Variants in MYO16 observed in about 807,000 individuals in gnomAD.
MYO16 encodes myosin XVI.
In MYO16, 94 loss-of-function variants were observed where a neutral mutation model predicts 205.3. The ratio of observed to expected loss-of-function variants is 0.46; its 90% CI spans 0.39 to 0.54. The LOEUF (loss-of-function observed/expected upper bound fraction) is 0.54. Among genes scored for constraint, MYO16 ranks in the 20% least tolerant of loss-of-function variants. The pLI is 0.00. For missense variants in MYO16, 2,315 were observed against 2,387.5 expected, an observed-to-expected ratio of 0.97 and a Z score of 0.63; for synonymous variants, 988 against 954.0, an observed-to-expected ratio of 1.04 and a Z score of -0.66.
At chr13:108,566,795 A>G in the MYO16 span, among the ~76,000 whole-genome samples, 19 of 151,354 alleles carry the variant, frequency 1.3e-4, no homozygotes, top group African/African-American at 4.4e-4. Flanking sequence ...GGAAAGAGGT[A>G]CTTAATTGAG....
chr13:109,140,364 C>G lies in MYO16; in HGVS notation c.4152C>G (p.Ser1384=). The G allele has an allele frequency of 6.2e-7, 1 of 1,602,382 alleles. No homozygotes were observed. The highest frequency in any genetic ancestry group is 8.5e-7 in the Non-Finnish European group (1 of 1,178,700). The change falls in exon 32 of 35, where the codon TCC becomes TCG. Residue 1384 remains serine, a synonymous_variant. Coordinates refer to ENST00000457511, the MANE Select transcript of MYO16 (RefSeq NM_001198950.3). The surrounding 1 kb of genome is among the most constrained non-coding windows in gnomAD (Gnocchi z 8.0). ...GCCCCAACACCAAGCTCAGCGGCTC[C>G]TACGAGGAGATATCGGGGTCCCGGC... ...KRSPNTKLSG[S]YEEISGSRPG...
chr13:108,954,560 G>T (rs1594422683), intron 16 of MYO16, among the ~76,000 whole-genome samples: 1 of 152,132 alleles, frequency 6.6e-6, no homozygotes, highest in East Asian at 1.9e-4. Context: ...GGGCAACATG[G>T]CAAGACCCTG....
intron 16 of MYO16, among the ~76,000 whole-genome samples, chr13:108,952,787 C>T (rs1883205858): frequency 6.6e-6 from 1 of 152,012 alleles, no homozygotes; most frequent in African/African-American, 2.4e-5. Context: ...GTTCCAAGTT[C>T]CAAAGAGGAT....
chr13:108,983,608 C>T (rs554497818), intron 20 of MYO16, among the ~76,000 whole-genome samples: 1 of 152,236 alleles, frequency 6.6e-6, no homozygotes, highest in Admixed American at 6.5e-5. Context: ...TGCTATGTGC[C>T]TTCGGAGACT....
At chr13:108,613,919 A>C (rs960424556) in intron 1 of MYO16, among the ~76,000 whole-genome samples, 6 of 152,116 alleles carry the variant, frequency 3.9e-5, no homozygotes, top group African/African-American at 1.4e-4. Context: ...AAGATGAGGA[A>C]CAAGACAATA....
chr13:108,845,675 A>G (rs1011951615), intron 10 of MYO16, among the ~76,000 whole-genome samples: 1 of 152,178 alleles, frequency 6.6e-6, no homozygotes, highest in African/African-American at 2.4e-5. Context: ...CAATTAGTCC[A>G]CAGTTCTAGA....
intron 16 of MYO16, among the ~76,000 whole-genome samples, chr13:108,944,764 G>T (rs1882869654): frequency 6.6e-6 from 1 of 152,154 alleles, no homozygotes; most frequent in Non-Finnish European, 1.5e-5. Flanking sequence ...ATATTTGTCA[G>T]AGATGAAGCA....
rs138615655 is a variant in MYO16 at position 108,727,132 on chromosome 13, G to GT, written c.364-300dup. Among the ~76,000 whole-genome samples, 815 of 151,672 alleles carry GT rather than the reference G, an allele frequency of 5.4e-3. 6 individuals carry two copies. The highest frequency in any genetic ancestry group is 0.018 in the African/African-American group (762 of 41,322). On this transcript the variant is annotated intron_variant, in intron 3 of 34. Transcript: ENST00000457511. ...AAGATAATTATTGTGAATGGTTCAA[G>GT]TTTTTTTTAAATAATCCTATCTACA...
At chr13:108,958,382 T>G (rs1253537330) in intron 17 of MYO16, among the ~76,000 whole-genome samples, 2 of 151,908 alleles carry the variant, frequency 1.3e-5, no homozygotes, top group Non-Finnish European at 2.9e-5. Flanking sequence ...CATAATCACC[T>G]TGTTAAAACA....
At position 108,823,167 on chromosome 13, in the gene MYO16, C is replaced by A. The variant is rs1410450200; in HGVS notation, c.986C>A (p.Ala329Asp). 3.1e-6 allele frequency: 5 copies of A among 1,612,336 alleles called. No homozygotes were observed. The highest frequency in any genetic ancestry group is 4.2e-6 in the Non-Finnish European group (5 of 1,179,418). The part of the protein sequence containing the change: ...SEFIEEMLLK[A>D]EIAWEEKMKE... ...TTTATTGAGGAAATGCTGCTGAAAG[C>A]CGAAATTGCCTGGGAAGAAAAAATG... is the stretch of plus-strand genomic sequence containing the variant. Residue 329 changes from alanine to aspartate, a missense_variant, in exon 9 of 35, where the codon GCC (alanine) becomes GAC (aspartate). Ala to Asp is a moderately radical substitution (Grantham distance 126). Coordinates refer to ENST00000457511, the MANE Select transcript of MYO16 (RefSeq NM_001198950.3).
chr13:108,737,062 A>C (rs1000017759), intron 4 of MYO16, among the ~76,000 whole-genome samples: 1 of 152,202 alleles, frequency 6.6e-6, no homozygotes, highest in African/African-American at 2.4e-5. Context: ...TTTTCTAGAT[A>C]TACAGTCATG....
chr13:109,026,958 C>G (rs1218162557), intron 23 of MYO16, among the ~76,000 whole-genome samples: 1 of 152,136 alleles, frequency 6.6e-6, no homozygotes, highest in African/African-American at 2.4e-5. Flanking sequence ...AGTGATTCAT[C>G]AAAGATTGTA....
At chr13:108,966,674 A>G (rs1482137670) in intron 20 of MYO16, among the ~76,000 whole-genome samples, 2 of 152,200 alleles carry the variant, frequency 1.3e-5, no homozygotes, top group Admixed American at 6.5e-5. Flanking sequence ...CTTATAAGAG[A>G]CAGTATTCTC....
At chr13:108,945,764 T>C (rs61968656) in intron 16 of MYO16, among the ~76,000 whole-genome samples, 21,202 of 152,210 alleles carry the variant, frequency 0.14, 1,565 homozygotes, top group Middle Eastern at 0.27. Flanking sequence ...GTACAGCCTA[T>C]ATTTGAATAC....
intron 3 of MYO16, among the ~76,000 whole-genome samples, chr13:108,721,460 C>T (rs1041310417): frequency 8.6e-5 from 13 of 152,008 alleles, no homozygotes; most frequent in African/African-American, 2.2e-4. Context: ...GTATTGTTAA[C>T]GCTTCCTCTG....
the MYO16 span, among the ~76,000 whole-genome samples, chr13:108,561,776 A>G: frequency 6.6e-6 from 1 of 152,202 alleles, no homozygotes; most frequent in Non-Finnish European, 1.5e-5. Flanking sequence ...ATGCATATTC[A>G]AAACCATAAA....
At chr13:108,981,102 C>G (rs1051333681) in intron 20 of MYO16, among the ~76,000 whole-genome samples, 1 of 152,028 alleles carries the variant, frequency 6.6e-6, no homozygotes, top group East Asian at 1.9e-4. Context: ...TCTAAATAAC[C>G]CTTTAAAATA....
At chr13:108,676,384 T>C (rs1035474484) in intron 2 of MYO16, among the ~76,000 whole-genome samples, 5 of 144,698 alleles carry the variant, frequency 3.5e-5, no homozygotes, top group Admixed American at 2.2e-4. Flanking sequence ...TGTGTGTGTG[T>C]GTGTGTGTGT....
intron 16 of MYO16, among the ~76,000 whole-genome samples, chr13:108,954,238 G>T (rs1453583132): frequency 6.6e-6 from 1 of 152,092 alleles, no homozygotes; most frequent in African/African-American, 2.4e-5. Context: ...TACTTATCAA[G>T]AATTGTAAAA....
Sources: gnomAD v4.1 joint callset for allele counts (sites outside exome capture counted in the v4.1 genomes callset) on GRCh38, gnomAD v4.1.1 for gene constraint, Gnocchi (gnomAD v3.1) non-coding constraint, MANE v1.5 for transcripts, NCBI Gene and HGNC (gene_info 2026-07-23, HGNC 2026-07-21) for gene names.